MARK2: variants seen among roughly 807,000 people sequenced by gnomAD.
The protein encoded by MARK2 is serine/threonine-protein kinase MARK2.
A neutral mutation model predicts 89.8 loss-of-function variants in MARK2; 16 were observed. The ratio of observed to expected loss-of-function variants is 0.18; its 90% CI spans 0.12 to 0.27. The LOEUF (loss-of-function observed/expected upper bound fraction) is 0.27, where lower values mean the gene tolerates loss of function less well. MARK2 is among the 10% of genes least tolerant of loss of function. The pLI, the probability that MARK2 is intolerant of heterozygous loss-of-function variation, is 1.00. For synonymous variants in MARK2, 382 were observed against 399.5 expected, an observed-to-expected ratio of 0.96 and a Z score of 0.52; for missense variants, 621 against 1,049.9, an observed-to-expected ratio of 0.59 and a Z score of 5.65.
At chr11:63,864,000 C>G (rs1446170184) in intron 1 of MARK2, among the ~76,000 whole-genome samples, 1 of 152,138 alleles carries the variant, frequency 6.6e-6, no homozygotes, top group East Asian at 1.9e-4. Context: ...GTCGCCCAGG[C>G]TGGAGTGCAG....
intron 1 of MARK2, among the ~76,000 whole-genome samples, chr11:63,885,017 A>G (rs2135298441): frequency 6.6e-6 from 1 of 152,262 alleles, no homozygotes; most frequent in South Asian, 2.1e-4. Context: ...AGCCTGGGCA[A>G]CATGGAGAAA....
chr11:63,880,538 C>T (rs1364499115), intron 1 of MARK2, among the ~76,000 whole-genome samples: 1 of 152,184 alleles, frequency 6.6e-6, no homozygotes, highest in Non-Finnish European at 1.5e-5. Flanking sequence ...GCTCGAGTTG[C>T]ATTCATTGTC....
chr11:63,885,254 T>G (rs1287313191), intron 1 of MARK2, among the ~76,000 whole-genome samples: 1 of 152,178 alleles, frequency 6.6e-6, no homozygotes, highest in Non-Finnish European at 1.5e-5. Flanking sequence ...AGACAAAGTC[T>G]TGTGCTGGGA....
chr11:63,853,375 G>C (rs924269393), intron 1 of MARK2, among the ~76,000 whole-genome samples: 1 of 151,702 alleles, frequency 6.6e-6, no homozygotes, highest in African/African-American at 2.4e-5. Context: ...CTCCAGCCTG[G>C]GCGACAAGAG....
intron 1 of MARK2, among the ~76,000 whole-genome samples, chr11:63,863,371 T>C (rs1280826161): frequency 1.3e-5 from 2 of 152,088 alleles, no homozygotes; most frequent in Non-Finnish European, 1.5e-5. Context: ...CTTGCTTGTC[T>C]AACTTCGGCA....
rs1343711748 is a variant in MARK2, at chr11:63,839,484, C to T, written c.-23C>T. The T allele has an allele frequency of 1.4e-6, 2 of 1,478,448 alleles. No individual in the cohort carries two copies. Among genetic ancestry groups the T allele is most frequent in the Non-Finnish European group, 9.2e-7 (1 of 1,089,516 alleles). 91.6% of individuals were successfully genotyped at this position (1,478,448 alleles called of 1,614,324 possible). On this transcript the variant is annotated 5_prime_UTR_variant, in exon 1 of 19. Coordinates refer to ENST00000402010, the MANE Select transcript of MARK2 (RefSeq NM_001039469.3). ...CTCCCTTCCTCCAAGCTTCTCGGTT[C>T]CCTCCCCCGAGATACCGGCGCCATG...
At chr11:63,844,522 G>A (rs752995307) in intron 1 of MARK2, among the ~76,000 whole-genome samples, 3 of 152,138 alleles carry the variant, frequency 2.0e-5, no homozygotes, top group Admixed American at 6.6e-5. Flanking sequence ...TATGGACTTC[G>A]GAAAGTAGCT....
At chr11:63,845,030 A>G (rs934891518) in intron 1 of MARK2, among the ~76,000 whole-genome samples, 3 of 152,182 alleles carry the variant, frequency 2.0e-5, no homozygotes, top group African/African-American at 7.2e-5. Flanking sequence ...GCCCCGTGAT[A>G]GCTTCTCTGC....
chr11:63,871,167 G>A (rs1360621562), intron 1 of MARK2, among the ~76,000 whole-genome samples: 1 of 152,108 alleles, frequency 6.6e-6, no homozygotes, highest in Non-Finnish European at 1.5e-5. Flanking sequence ...TTTTTTTAAG[G>A]CATGCTTTAA....
At chr11:63,908,037 A>G (rs762019439) in intron 17 of MARK2, among the ~76,000 whole-genome samples, 4 of 152,180 alleles carry the variant, frequency 2.6e-5, no homozygotes, top group Non-Finnish European at 4.4e-5. Flanking sequence ...GGGGAGGGAC[A>G]AGCCCCATGT....
At chr11:63,896,410 C>T (rs776124146) in intron 3 of MARK2, among the ~76,000 whole-genome samples, 16 of 152,338 alleles carry the variant, frequency 1.1e-4, no homozygotes, top group South Asian at 6.2e-4. Context: ...GTGCCAGCTA[C>T]CTTTTAGAGA....
chr11:63,890,050 A>G (rs1047202693), intron 1 of MARK2, among the ~76,000 whole-genome samples: 3 of 152,218 alleles, frequency 2.0e-5, no homozygotes, highest in Non-Finnish European at 4.4e-5. Context: ...AGCCAGAACC[A>G]AAAAAGAGAA....
intron 1 of MARK2, among the ~76,000 whole-genome samples, chr11:63,894,844 C>A (rs941295415): frequency 1.3e-5 from 2 of 152,130 alleles, no homozygotes; most frequent in African/African-American, 4.8e-5. Flanking sequence ...AGGCAGGGTA[C>A]CGGCTCTCCC....
chr11:63,894,489 G>T (rs1435684095), intron 1 of MARK2, among the ~76,000 whole-genome samples: 5 of 152,192 alleles, frequency 3.3e-5, no homozygotes, highest in Admixed American at 1.3e-4. Flanking sequence ...CTGAGATCAG[G>T]AGTTTGAGAC....
intron 1 of MARK2, among the ~76,000 whole-genome samples, chr11:63,859,823 G>A (rs1425974648): frequency 6.6e-6 from 1 of 152,040 alleles, no homozygotes; most frequent in Non-Finnish European, 1.5e-5. Context: ...GTAGAGACAG[G>A]ATTTTGCCAT....
At chr11:63,869,203 T>TC (rs879597465) in intron 1 of MARK2, 16 of 195,484 alleles carry the variant, frequency 8.2e-5, no homozygotes, top group South Asian at 3.1e-4. Flanking sequence ...GCCTCCCTGC[T>TC]CCCCCCTCAC....
intron 1 of MARK2, among the ~76,000 whole-genome samples, chr11:63,863,048 G>T (rs999884850): frequency 6.6e-6 from 1 of 152,228 alleles, no homozygotes; most frequent in African/African-American, 2.4e-5. Context: ...ACCGTAGCTG[G>T]TGGTGCCAGG....
chr11:63,909,408 G>C lies in MARK2; in HGVS notation c.*171G>C, dbSNP rs1941607646. ...TCTCTTACATGTTTGTGGGGGGTGG[G>C]AGATTGTTCTCCAGCACCCCACATT... On this transcript the variant is annotated 3_prime_UTR_variant, in exon 19 of 19. Coordinates refer to ENST00000402010, the MANE Select transcript of MARK2 (RefSeq NM_001039469.3). 1.5e-6 allele frequency: 1 copy of C among 656,786 alleles called. No individual in the cohort carries two copies. The highest frequency in any genetic ancestry group is 1.9e-5 in the African/African-American group (1 of 53,226). The allele number at this position is 656,786 out of a possible 1,614,324, so 40.7% of individuals were successfully genotyped here.
chr11:63,894,308 A>G (rs1157870336), intron 1 of MARK2, among the ~76,000 whole-genome samples: 1 of 152,232 alleles, frequency 6.6e-6, no homozygotes, highest in Non-Finnish European at 1.5e-5. Context: ...TTCGTAGTTC[A>G]GCGGCAGAAA....
Sources: gnomAD v4.1 joint callset for allele counts (sites outside exome capture counted in the v4.1 genomes callset) on GRCh38, gnomAD v4.1.1 for gene constraint, MANE v1.5 for transcripts, NCBI Gene and HGNC (gene_info 2026-07-23, HGNC 2026-07-21) for gene names.